ZBTB7A: variants seen among roughly 807,000 people sequenced by gnomAD.
ZBTB7A encodes the protein zinc finger and BTB domain containing 7A, also known as zinc finger and BTB domain-containing protein 7A.
In ZBTB7A, 7 loss-of-function variants were observed where a neutral mutation model predicts 26.7. The observed-to-expected ratio is 0.26, with a 90% CI of 0.15 to 0.49. The LOEUF (loss-of-function observed/expected upper bound fraction) is 0.49, where lower values mean the gene tolerates loss of function less well. ZBTB7A is among the 20% of genes least tolerant of loss of function. The pLI is 0.98. For missense variants in ZBTB7A, 617 were observed against 919.5 expected, an observed-to-expected ratio of 0.67 and a Z score of 4.25; for synonymous variants, 452 against 441.0, an observed-to-expected ratio of 1.02 and a Z score of -0.31.
intron 1 of ZBTB7A, among the ~76,000 whole-genome samples, chr19:4,063,113 C>G (rs1048443584): frequency 6.6e-6 from 1 of 152,078 alleles, no homozygotes; most frequent in African/African-American, 2.4e-5. Flanking sequence ...AGGTGTCTCA[C>G]GCAGTTCTGA....
rs535398372 is a variant in ZBTB7A, at chr19:4,063,702, G to C, written c.-16+2980C>G. Among the ~76,000 whole-genome samples the C allele has an allele frequency of 1.2e-3, 177 of 152,292 alleles. 2 individuals are homozygous for C. Among genetic ancestry groups the C allele is most frequent in the African/African-American group, 3.9e-3 (163 of 41,552 alleles). On this transcript the variant is annotated intron_variant, in intron 1 of 2. Transcript: ENST00000322357. Reference sequence around the variant, plus strand: ...CCTGCTTAAAGACAGGTGGGCAGGCGCCCCTGGGCCACCACACAGTGGGAG... The same window carrying C: ...CCTGCTTAAAGACAGGTGGGCAGGCCCCCCTGGGCCACCACACAGTGGGAG...
At chr19:4,053,231 T>G (rs1231573055) in intron 2 of ZBTB7A, among the ~76,000 whole-genome samples, 1 of 152,310 alleles carries the variant, frequency 6.6e-6, no homozygotes, top group Non-Finnish European at 1.5e-5. Flanking sequence ...GCTGTCATCT[T>G]ATGTCTGGCC....
chr19:4,053,475 G>T (rs200419671), intron 2 of ZBTB7A, among the ~76,000 whole-genome samples: 4 of 150,698 alleles, frequency 2.7e-5, no homozygotes, highest in Admixed American at 2.0e-4. Flanking sequence ...ATGTCTGGGG[G>T]TGCGTGTGCA....
chr19:4,052,804 G>A lies in ZBTB7A; in HGVS notation c.1262+1167C>T, dbSNP rs140364540. ...TGAACTCCTGCTGTTTAGGGACCAA[G>A]TCCTGTGGCTCCCAGGGGGGCACAG... On this transcript the variant is annotated intron_variant, in intron 2 of 2. Coordinates refer to ENST00000322357, the MANE Select transcript of ZBTB7A (RefSeq NM_015898.4). This position sits in a 1 kb window ranked among gnomAD's most constrained non-coding sequence, Gnocchi z 4.9. Among the ~76,000 whole-genome samples, 380 of 152,336 alleles carry A rather than the reference G, an allele frequency of 2.5e-3. 5 individuals carry two copies. Among genetic ancestry groups the A allele is most frequent in the Non-Finnish European group, 1.9e-3 (132 of 68,034 alleles).
chr19:4,051,694 C>T (rs577369718), intron 2 of ZBTB7A, among the ~76,000 whole-genome samples: 2 of 152,366 alleles, frequency 1.3e-5, no homozygotes, highest in East Asian at 3.9e-4. Flanking sequence ...GCAAGGTCTC[C>T]GGGCTGCCTT....
chr19:4,052,943 C>A lies in ZBTB7A; in HGVS notation c.1262+1028G>T, dbSNP rs2040519428. On this transcript the variant is annotated intron_variant, in intron 2 of 2. Coordinates refer to ENST00000322357, the MANE Select transcript of ZBTB7A (RefSeq NM_015898.4). This position sits in a 1 kb window ranked among gnomAD's most constrained non-coding sequence, Gnocchi z 4.9. ...CCTTCAGGTTCCGGCAAGGCCTGTCCCCGGCGCCTAGAACAGGCCTGGCAC... is the reference window on the plus strand; with the variant it reads ...CCTTCAGGTTCCGGCAAGGCCTGTCACCGGCGCCTAGAACAGGCCTGGCAC... Among the ~76,000 whole-genome samples the A allele has an allele frequency of 6.6e-6, 1 of 152,174 alleles. No individual in the cohort carries two copies. Among genetic ancestry groups the A allele is most frequent in the Non-Finnish European group, 1.5e-5 (1 of 68,018 alleles).
Position 4,054,244 on chromosome 19 carries a change from G to A in ZBTB7A, c.989C>T (p.Ala330Val). Residue 330 changes from alanine to valine, a missense_variant, in exon 2 of 3, where the codon GCG becomes GTG. By Grantham distance (64) the Ala-to-Val change is moderately conservative (BLOSUM62 0). Transcript: ENST00000322357. ...GTCGCTGTCCCCCGCCGCGGCCCCC[G>A]CCCGGCCCACCGATGACATCATCTG... ...LQQMMSSVGR[A>V]GAAAGDSDEE... The A allele has an allele frequency of 1.3e-6, 2 of 1,579,284 alleles. No homozygotes were observed. The highest frequency in any genetic ancestry group is 1.3e-5 in the African/African-American group (1 of 74,550).
At chr19:4,063,617 C>G (rs1397497645) in intron 1 of ZBTB7A, among the ~76,000 whole-genome samples, 2 of 152,194 alleles carry the variant, frequency 1.3e-5, no homozygotes, top group Non-Finnish European at 2.9e-5. Context: ...TAATAAGCCT[C>G]GGTGACACTC....
At position 4,054,680 on chromosome 19, in the gene ZBTB7A, A is replaced by G; in HGVS notation, c.553T>C (p.Trp185Arg). 1 of 1,596,416 alleles carries G rather than the reference A, an allele frequency of 6.3e-7. No homozygotes were observed. Among genetic ancestry groups the G allele is most frequent in the Non-Finnish European group, 8.5e-7 (1 of 1,171,934 alleles). ...TCATCGGACGCCCCAAAGGCGGACC[A>G]CGGGAAGCTGGCAGCGGCGGCGGCG... ...AAAAAAASFP[W>R]SAFGASDDDL... The change falls in exon 2 of 3, where the codon TGG (tryptophan) becomes CGG (arginine). Residue 185 changes from tryptophan to arginine, a missense_variant. By Grantham distance (101) the Trp-to-Arg change is moderately radical (BLOSUM62 -3). Around this residue, in one of 5 missense-constraint regions of ZBTB7A, gnomAD observed 331 missense variants for 391.3 expected, o/e 0.85. Transcript: ENST00000322357.
chr19:4,065,503 C>T (rs1304425909), intron 1 of ZBTB7A: 1 of 146,388 alleles, frequency 6.8e-6, no homozygotes, highest in Non-Finnish European at 1.5e-5. Flanking sequence ...TGGGCTGGCT[C>T]CCTCCGAGGG....
At chr19:4,061,971 G>A (rs925497748) in intron 1 of ZBTB7A, 36 of 152,358 alleles carry the variant, frequency 2.4e-4, no homozygotes, top group African/African-American at 8.0e-4. Context: ...CATCAGCCCA[G>A]GCTGCACCTG....
chr19:4,062,270 C>G (rs1389953501), intron 1 of ZBTB7A: 1 of 152,268 alleles, frequency 6.6e-6, no homozygotes, highest in East Asian at 1.9e-4. Context: ...GGGGCTGGTC[C>G]TTTGGCCACG....
rs1329563362 is a variant in ZBTB7A at position 4,048,271 on chromosome 19, G to A, written c.1263-27C>T. 1 of 1,547,836 alleles carries A rather than the reference G, an allele frequency of 6.5e-7. No individual in the cohort carries two copies. The highest frequency in any genetic ancestry group is 8.7e-7 in the Non-Finnish European group (1 of 1,156,030). ...TGTGGACGGGGCACGGGGCGGGCAC[G>A]GTCAGTGGGGCCGGGGACCCCCGAT... is the stretch of plus-strand genomic sequence containing the variant. On this transcript the variant is annotated intron_variant, in intron 2 of 2. Coordinates refer to ENST00000322357, the MANE Select transcript of ZBTB7A (RefSeq NM_015898.4). The surrounding 1 kb of genome is among the most constrained non-coding windows in gnomAD (Gnocchi z 6.7).
chr19:4,047,959 C>A lies in ZBTB7A; in HGVS notation c.1548G>T (p.Ala516=). 8.0e-7 allele frequency: 1 copy of A among 1,256,404 alleles called. No individual in the cohort carries two copies. The highest frequency in any genetic ancestry group is 1.0e-6 in the Non-Finnish European group (1 of 988,824). 77.8% of individuals were successfully genotyped at this position (1,256,404 alleles called of 1,614,324 possible). Residue 516 remains alanine (A), a synonymous_variant, in exon 3 of 3, where the codon GCG becomes GCT. Coordinates refer to ENST00000322357, the MANE Select transcript of ZBTB7A (RefSeq NM_015898.4). The part of the protein sequence containing the change: ...GAPDPSPGAT[A]TPGAPAQPSS... Reference sequence around the variant, plus strand: ...TGGGCTGGGCGGGGGCGCCGGGGGTCGCGGTGGCCCCCGGGCTGGGGTCGG... The same window carrying A: ...TGGGCTGGGCGGGGGCGCCGGGGGTAGCGGTGGCCCCCGGGCTGGGGTCGG...
At chr19:4,059,571 C>T (rs1737672950) in intron 1 of ZBTB7A, among the ~76,000 whole-genome samples, 1 of 152,194 alleles carries the variant, frequency 6.6e-6, no homozygotes, top group Non-Finnish European at 1.5e-5. Context: ...GGCTGCAGTC[C>T]TGGCCTAAGG....
Position 4,043,674 on chromosome 19 carries a change from G to A in ZBTB7A, c.*4078C>T, listed in dbSNP as rs994667386. 2.5e-4 allele frequency among the ~76,000 whole-genome samples: 37 copies of A among 147,700 alleles called. No homozygotes were observed. Among genetic ancestry groups the A allele is most frequent in the Non-Finnish European group, 1.6e-4 (11 of 67,370 alleles). Reference sequence around the variant, plus strand: ...TGGTCCACAGCCTCCAGGCAGCCCCGGCGAGGGATGGGGGTCTCCCTGGCC... The same window carrying A: ...TGGTCCACAGCCTCCAGGCAGCCCCAGCGAGGGATGGGGGTCTCCCTGGCC... On this transcript the variant is annotated 3_prime_UTR_variant, in exon 3 of 3. Transcript: ENST00000322357.
rs1485438757 is a variant in ZBTB7A, at chr19:4,053,504, TGTGCGTGTGTGC to T, written c.1262+455_1262+466del. 1.2e-3 allele frequency among the ~76,000 whole-genome samples: 45 copies of T among 36,950 alleles called. No individual in the cohort carries two copies. The African/African-American group carries it at 0.012, about 10-fold the overall frequency. 24.2% of individuals were successfully genotyped at this position (36,950 alleles called of 152,430 possible). On this transcript the variant is annotated intron_variant, in intron 2 of 2. Coordinates refer to ENST00000322357, the MANE Select transcript of ZBTB7A (RefSeq NM_015898.4). Reference sequence around the variant, plus strand: ...GTGTGCATCTGTGTGCGTGCCTGGGTGTGCGTGTGTGCGTGCGTGCGTGCGTGCATGTGTATG... The same window carrying T: ...GTGTGCATCTGTGTGCGTGCCTGGGTGTGCGTGCGTGCGTGCATGTGTATG...
chr19:4,054,419 A>G lies in ZBTB7A; in HGVS notation c.814T>C (p.Tyr272His). 3 of 1,373,390 alleles carry G rather than the reference A, an allele frequency of 2.2e-6. No homozygotes were observed. Among genetic ancestry groups the G allele is most frequent in the Non-Finnish European group, 1.9e-6 (2 of 1,073,274 alleles). The allele number at this position is 1,373,390 out of a possible 1,614,324, so 85.1% of individuals were successfully genotyped here. ...GCCTCCTCCTCTCCGCCGCGGCCGT[A>G]GTGGCCGTTCTGCGTGGCGGCCGGC... ...APPAATQNGH[Y>H]GRGGEEEAAS... Residue 272 changes from tyrosine to histidine, a missense_variant, in exon 2 of 3, where the codon TAC becomes CAC. Around this residue, in one of 5 missense-constraint regions of ZBTB7A, gnomAD observed 331 missense variants for 391.3 expected, o/e 0.85. Coordinates refer to ENST00000322357, the MANE Select transcript of ZBTB7A (RefSeq NM_015898.4).
At chr19:4,056,864 C>T (rs900811485) in intron 1 of ZBTB7A, among the ~76,000 whole-genome samples, 2 of 150,694 alleles carry the variant, frequency 1.3e-5, no homozygotes, top group Admixed American at 1.3e-4. Context: ...GAGACTCCGT[C>T]TTAAAAAAAA....
Sources: allele counts gnomAD v4.1 joint callset (sites outside exome capture counted in the v4.1 genomes callset), GRCh38; gene constraint gnomAD v4.1.1; regional missense constraint gnomAD v4.1.1; non-coding constraint Gnocchi (gnomAD v3.1); transcripts MANE v1.5; gene names NCBI Gene and HGNC (gene_info 2026-07-23, HGNC 2026-07-21).